The following TMEM260 variants were observed in gnomAD, a reference collection of about 807,000 sequenced individuals.
The protein encoded by TMEM260 is protein O-mannosyl-transferase TMEM260.
TMEM260 carries 82 observed loss-of-function variants against 88.9 expected under a neutral mutation model. That is an observed-to-expected ratio of 0.92 (90% confidence interval 0.77 to 1.11). The LOEUF (loss-of-function observed/expected upper bound fraction) is 1.11. Ranked by LOEUF, TMEM260 falls within the 50% of genes least tolerant of loss-of-function variation. TMEM260 has a pLI of 0.00. For missense variants in TMEM260, 902 were observed against 853.4 expected, an observed-to-expected ratio of 1.06 and a Z score of -0.71; for synonymous variants, 314 against 309.3, an observed-to-expected ratio of 1.02 and a Z score of -0.16.
intron 3 of TMEM260, among the ~76,000 whole-genome samples, chr14:56,586,242 A>G (rs1885493260): frequency 6.6e-6 from 1 of 152,138 alleles, no homozygotes; most frequent in Non-Finnish European, 1.5e-5. Flanking sequence ...TAAATGGTAA[A>G]TATCATTTAA....
intron 7 of TMEM260, 61 bp downstream of exon 7, chr14:56,612,346 T>C: frequency 7.1e-7 from 1 of 1,415,942 alleles, no homozygotes; most frequent in Non-Finnish European, 1.0e-6. Flanking sequence ...CTTTAAGTGA[T>C]TTTAGGGATT....
In TMEM260 at chr14:56,649,461, ATTCTC is replaced by A. The variant is rs1317129268; in HGVS notation, c.*1967_*1971del. The A allele has an allele frequency of 6.6e-6, 1 of 152,142 alleles. No individual in the cohort carries two copies. Among genetic ancestry groups the A allele is most frequent in the Non-Finnish European group, 1.5e-5 (1 of 68,028 alleles). 9.4% of individuals were successfully genotyped at this position (152,142 alleles called of 1,614,324 possible). ...GAAAGAAATTGTGTAAGATTATGAT[ATTCTC>A]TTTTCTTTAAAAAAAAAAGTACAAT... On this transcript the variant is annotated 3_prime_UTR_variant, in exon 16 of 16. Coordinates refer to ENST00000261556, the MANE Select transcript of TMEM260 (RefSeq NM_017799.4).
downstream of TMEM260, among the ~76,000 whole-genome samples, chr14:56,655,570 TTTCTC>T (rs1401381644): frequency 2.6e-5 from 4 of 152,122 alleles, no homozygotes; most frequent in Non-Finnish European, 5.9e-5. Context: ...GGACAAAACT[TTTCTC>T]TTTCACTTGT....
chr14:56,597,306 C>T (rs1174641734), intron 3 of TMEM260, among the ~76,000 whole-genome samples: 1 of 152,144 alleles, frequency 6.6e-6, no homozygotes, highest in East Asian at 1.9e-4. Context: ...TAGAAATGTT[C>T]AACTGATATG....
At chr14:56,596,794 A>AAAAAAATATATAT (rs59623466) in intron 3 of TMEM260, among the ~76,000 whole-genome samples, 2 of 136,296 alleles carry the variant, frequency 1.5e-5, no homozygotes, top group African/African-American at 5.6e-5. Context: ...TAAAAAAAAA[A>AAAAAAATATATAT]ATATATATAT....
In TMEM260 at chr14:56,596,404, G is replaced by A. The variant is rs10136061; in HGVS notation, c.345-7411G>A. On this transcript the variant is annotated intron_variant, in intron 3 of 15. Coordinates refer to ENST00000261556, the MANE Select transcript of TMEM260 (RefSeq NM_017799.4). ...AGAGTGTGTGTGTGTGTGTGTGTGTGTGTATATATATATATATATATACAT... is the reference window on the plus strand; with the variant it reads ...AGAGTGTGTGTGTGTGTGTGTGTGTATGTATATATATATATATATATACAT... 6.9e-3 allele frequency among the ~76,000 whole-genome samples: 877 copies of A among 127,054 alleles called. 11 individuals carry two copies. The highest frequency in any genetic ancestry group is 0.025 in the African/African-American group (792 of 32,280). The allele number at this position is 127,054 out of a possible 152,430, so 83.4% of individuals were successfully genotyped here.
Position 56,622,125 on chromosome 14 carries a change from C to T in TMEM260, c.1398+423C>T, listed in dbSNP as rs183203574. 1.1e-3 allele frequency among the ~76,000 whole-genome samples: 173 copies of T among 151,892 alleles called. 2 individuals are homozygous for T. Among genetic ancestry groups the T allele is most frequent in the African/African-American group, 3.9e-3 (163 of 41,408 alleles). On this transcript the variant is annotated intron_variant, in intron 11 of 15. Transcript: ENST00000261556. Reference sequence around the variant, plus strand: ...TTGGGAGGCTGAGGCTGGCGGATCACGAGGTCAGGAGATCGAGACCATCCT... The same window carrying T: ...TTGGGAGGCTGAGGCTGGCGGATCATGAGGTCAGGAGATCGAGACCATCCT...
intron 3 of TMEM260, among the ~76,000 whole-genome samples, chr14:56,596,169 AT>A (rs1169683916): frequency 6.6e-6 from 1 of 152,028 alleles, no homozygotes; most frequent in Non-Finnish European, 1.5e-5. Context: ...GTTTAAAAAA[AT>A]ATTTCTTTCC....
At chr14:56,586,832 A>G (rs1316439547) in intron 3 of TMEM260, among the ~76,000 whole-genome samples, 1 of 152,024 alleles carries the variant, frequency 6.6e-6, no homozygotes, top group Non-Finnish European at 1.5e-5. Context: ...ATTTATAGAA[A>G]GATAAGAGTT....
intron 4 of TMEM260, 91 bp downstream of exon 4, chr14:56,604,083 C>T (rs1886742890): frequency 1.6e-6 from 2 of 1,262,678 alleles, no homozygotes; most frequent in African/African-American, 1.5e-5. Context: ...TACCTTTTAT[C>T]TATTCTGATT....
At chr14:56,650,940 A>G (rs1479181759), downstream of TMEM260, among the ~76,000 whole-genome samples, 1 of 152,246 alleles carries the variant, frequency 6.6e-6, no homozygotes, top group Non-Finnish European at 1.5e-5. Flanking sequence ...TCAACACAGG[A>G]TATTACTTAG....
At chr14:56,603,041 C>A (rs2139549984) in intron 3 of TMEM260, among the ~76,000 whole-genome samples, 1 of 152,172 alleles carries the variant, frequency 6.6e-6, no homozygotes, top group South Asian at 2.1e-4. Context: ...TTGATATGCA[C>A]TAGTAAATTC....
At chr14:56,614,997 T>C (rs1343799032) in intron 7 of TMEM260, among the ~76,000 whole-genome samples, 1 of 152,254 alleles carries the variant, frequency 6.6e-6, no homozygotes, top group Non-Finnish European at 1.5e-5. Context: ...GCAGTGACCA[T>C]CTTTTAGCGC....
At chr14:56,585,082 G>A (rs1237819523) in intron 2 of TMEM260, 50 bp downstream of exon 2, 1 of 1,551,612 alleles carries the variant, frequency 6.4e-7, no homozygotes, top group African/African-American at 1.4e-5. Context: ...ACAGTTTTAG[G>A]AATTAAGAAA....
chr14:56,650,353 A>G, downstream of TMEM260: 1 of 245,580 alleles, frequency 4.1e-6, no homozygotes, highest in South Asian at 4.5e-5. Flanking sequence ...CCAGAGGGCA[A>G]GTGGAGAAGC....
chr14:56,616,226 C>G, intron 8 of TMEM260, 199 bp downstream of exon 8: 2 of 485,912 alleles, frequency 4.1e-6, no homozygotes, highest in Non-Finnish European at 7.3e-6. Context: ...AGAAATTGAG[C>G]ATTATATTAC....
At chr14:56,659,992 G>T in the TMEM260 span, among the ~76,000 whole-genome samples, 1 of 152,074 alleles carries the variant, frequency 6.6e-6, no homozygotes, top group Non-Finnish European at 1.5e-5. Context: ...TTTTACCAAA[G>T]GTAAGTCCTT....
At chr14:56,583,966 A>G (rs1885306773) in intron 1 of TMEM260, among the ~76,000 whole-genome samples, 1 of 151,168 alleles carries the variant, frequency 6.6e-6, no homozygotes, top group Non-Finnish European at 1.5e-5. Context: ...GAGAAATTTT[A>G]GACTAGGGAT....
Position 56,605,597 on chromosome 14 carries a change from G to T in TMEM260, c.550G>T (p.Gly184Cys). 1.3e-6 allele frequency: 2 copies of T among 1,559,726 alleles called. No individual in the cohort carries two copies. The highest frequency in any genetic ancestry group is 2.3e-5 in the East Asian group (1 of 43,440). Residue 184 changes from glycine (G) to cysteine (C), a missense_variant, in exon 5 of 16, where the codon GGC becomes TGC. Gly to Cys is a radical substitution (Grantham distance 159, BLOSUM62 -3). Coordinates refer to ENST00000261556, the MANE Select transcript of TMEM260 (RefSeq NM_017799.4). ...AGCTAAAATTGGTGCTTTCTGCTGT[G>T]GCCTTAGTTTATGTAACCAGCACAC... ...KVAKIGAFCCGLSLCNQHTII... is the reference protein window; with the variant it reads ...KVAKIGAFCCCLSLCNQHTII...
Sources: allele counts gnomAD v4.1 joint callset (sites outside exome capture counted in the v4.1 genomes callset), GRCh38; gene constraint gnomAD v4.1.1; transcripts MANE v1.5; gene names NCBI Gene and HGNC (gene_info 2026-07-23, HGNC 2026-07-21).